SYNE1: variants seen among roughly 807,000 people sequenced by gnomAD.
SYNE1 encodes the protein nesprin-1.
A neutral mutation model predicts 1,111.0 loss-of-function variants in SYNE1; 616 were observed. The observed-to-expected ratio is 0.55, with a 90% CI of 0.52 to 0.59. The LOEUF is 0.59. SYNE1 is among the 20% of genes least tolerant of loss of function. The pLI is 0.00. For missense variants in SYNE1, 10,006 were observed against 10,417.0 expected (o/e 0.96, Z 1.72); for synonymous variants, 3,855 against 3,825.8 (o/e 1.01, Z -0.28).
chr6:152,522,167 C>T (rs1314450879), intron 5 of SYNE1, among the ~76,000 whole-genome samples: 7 of 151,884 alleles, frequency 4.6e-5, no homozygotes, highest in African/African-American at 1.7e-4. Flanking sequence ...GATTGTAGTG[C>T]ACCTGTCACT....
At position 152,534,189 on chromosome 6, in the gene SYNE1, T is replaced by A. The variant is rs536416712; in HGVS notation, c.129+5771A>T. Among the ~76,000 whole-genome samples, 50 of 148,250 alleles carry A rather than the reference T, an allele frequency of 3.4e-4. 1 individual carries two copies. Among genetic ancestry groups the A allele is most frequent in the Non-Finnish European group, 6.5e-4 (43 of 66,562 alleles). On this transcript the variant is annotated intron_variant, in intron 4 of 145. Transcript: ENST00000367255. ...ATAAATAAATGAATGAATGAATGAA[T>A]GAATGAATGAATGAATAAATAAATA...
At chr6:152,154,714 T>G (rs2061057621) in intron 133 of SYNE1, among the ~76,000 whole-genome samples, 178 bp downstream of exon 133, 2 of 151,986 alleles carry the variant, frequency 1.3e-5, no homozygotes, top group Admixed American at 6.6e-5. Flanking sequence ...AACCTCTTTT[T>G]CCCCCTTCAT....
intron 133 of SYNE1, among the ~76,000 whole-genome samples, chr6:152,153,081 T>G (rs72995319): frequency 1.6e-3 from 243 of 152,348 alleles, no homozygotes; most frequent in South Asian, 4.1e-3. Context: ...TGAACCGCAC[T>G]CATCAAATCC....
Position 152,368,965 on chromosome 6 carries a change from G to A in SYNE1, c.9807+7C>T, listed in dbSNP as rs566510530. On this transcript the variant is annotated splice_region_variant and intron_variant, in intron 61 of 145. Coordinates refer to ENST00000367255, the MANE Select transcript of SYNE1 (RefSeq NM_182961.4). ...CACACTCACACACAGCACGTGCCAG[G>A]CGTTACCTTTGTTAAATTGCTTAGC... The A allele has an allele frequency of 6.2e-6, 10 of 1,614,110 alleles. No individual in the cohort carries two copies. The highest frequency in any genetic ancestry group is 8.5e-6 in the Non-Finnish European group (10 of 1,180,030).
In SYNE1 at chr6:152,125,157, G is replaced by T; in HGVS notation, c.26154-2481C>A. 2 of 1,315,176 alleles carry T rather than the reference G, an allele frequency of 1.5e-6. 1 individual carries two copies. Among genetic ancestry groups the T allele is most frequent in the South Asian group, 3.1e-5 (2 of 64,882 alleles). 81.5% of individuals were successfully genotyped at this position (1,315,176 alleles called of 1,614,324 possible). ...CAGTTAAAGGAAGAGGCCTAGCAGGGACTCAGGCTTCCAAAATCCCTGCCC... is the reference window on the plus strand; with the variant it reads ...CAGTTAAAGGAAGAGGCCTAGCAGGTACTCAGGCTTCCAAAATCCCTGCCC... On this transcript the variant is annotated intron_variant, in intron 145 of 145. Coordinates refer to ENST00000367255, the MANE Select transcript of SYNE1 (RefSeq NM_182961.4).
chr6:152,468,771 T>G (rs766341853), intron 16 of SYNE1, among the ~76,000 whole-genome samples: 1 of 152,072 alleles, frequency 6.6e-6, no homozygotes, highest in East Asian at 2.0e-4. Flanking sequence ...ATTATAATAC[T>G]TTATTTTTAT....
At chr6:152,531,936 T>G (rs1187626958) in intron 4 of SYNE1, among the ~76,000 whole-genome samples, 1 of 152,232 alleles carries the variant, frequency 6.6e-6, no homozygotes, top group African/African-American at 2.4e-5. Flanking sequence ...TTTCTGGCTA[T>G]TGTGATTAAT....
chr6:152,321,833 T>C lies in SYNE1; in HGVS notation c.15971A>G (p.Asp5324Gly), dbSNP rs750742917. 4 of 1,613,942 alleles carry C rather than the reference T, an allele frequency of 2.5e-6. No homozygotes were observed. The highest frequency in any genetic ancestry group is 3.4e-6 in the Non-Finnish European group (4 of 1,179,988). The change falls in exon 83 of 146, where the codon GAC becomes GGC. Residue 5324 changes from aspartate to glycine, a missense_variant. By Grantham distance (94) the Asp-to-Gly change is moderately conservative. Coordinates refer to ENST00000367255, the MANE Select transcript of SYNE1 (RefSeq NM_182961.4). ...NGKLVKQELK[D>G]REMVETQINS... is the part of the protein sequence containing the mutation. ...GATCTGAGTCTCCACCATTTCTCGGTCCTTCAGCTCTTGCTTCACCAACTT... is the reference window on the plus strand; with the variant it reads ...GATCTGAGTCTCCACCATTTCTCGGCCCTTCAGCTCTTGCTTCACCAACTT...
In SYNE1 at chr6:152,358,436, G is replaced by A. The variant is rs527448479; in HGVS notation, c.10545C>T (p.Leu3515=). The A allele has an allele frequency of 9.9e-6, 16 of 1,614,124 alleles. No individual in the cohort carries two copies. The highest frequency in any genetic ancestry group is 1.6e-4 in the Middle Eastern group (1 of 6,062). ...EVWLGQEQEK[L]DQYSVLEGDA... The stretch of plus-strand genomic sequence containing the variant: ...CACCTTCAAGAACTGAATACTGGTC[G>A]AGCTTTTCTTGTTCTTGCCCCAACC... Residue 3515 remains leucine (L), a synonymous_variant, in exon 66 of 146, where the codon CTC becomes CTT. Coordinates refer to ENST00000367255, the MANE Select transcript of SYNE1 (RefSeq NM_182961.4).
Position 152,300,629 on chromosome 6 carries a change from A to G in SYNE1, c.17682+12T>C, listed in dbSNP as rs371412085. The G allele has an allele frequency of 9.3e-6, 15 of 1,614,076 alleles. No individual in the cohort carries two copies. Among genetic ancestry groups the G allele is most frequent in the Middle Eastern group, 1.7e-4 (1 of 6,048 alleles). On this transcript the variant is annotated intron_variant, in intron 93 of 145. Transcript: ENST00000367255. ...AGAGATTATTGCTAGAGGAATGCCA[A>G]CTGGGAGGTACCTGGTTAACAGAAG...
chr6:152,309,398 T>C (rs1316178578), intron 90 of SYNE1, among the ~76,000 whole-genome samples: 1 of 152,184 alleles, frequency 6.6e-6, no homozygotes, highest in Non-Finnish European at 1.5e-5. Flanking sequence ...GCAAAGAGAC[T>C]AAGAATTATA....
chr6:152,526,177 T>C lies in SYNE1; in HGVS notation c.130-2A>G. The C allele has an allele frequency of 6.2e-7, 1 of 1,613,970 alleles. No homozygotes were observed. The highest frequency in any genetic ancestry group is 8.5e-7 in the Non-Finnish European group (1 of 1,179,858). On this transcript the variant is annotated splice_acceptor_variant, in intron 4 of 145. Coordinates refer to ENST00000367255, the MANE Select transcript of SYNE1 (RefSeq NM_182961.4). LOFTEE classifies it high-confidence loss of function. ...GTCCACCACCATTGGAGGTTTCCGC[T>C]GTAAAAGCAAAGAGGAATAAGTGCA...
rs777155965 is a variant in SYNE1 at position 152,225,823 on chromosome 6, C to A, written c.21249G>T (p.Gln7083His). 3.7e-6 allele frequency: 6 copies of A among 1,613,906 alleles called. No homozygotes were observed. The African/African-American group carries it at 8.0e-5, about 22-fold the overall frequency. Reference sequence around the variant, plus strand: ...TGTTCTGAATCAAAGCAAGTCCATTCTGCTCAATTTTCTCTACTTCTTTTT... The same window carrying A: ...TGTTCTGAATCAAAGCAAGTCCATTATGCTCAATTTTCTCTACTTCTTTTT... Reference protein sequence around the residue: ...AKEKEVEKIEQNGLALIQNKK... With the variant: ...AKEKEVEKIEHNGLALIQNKK... The change falls in exon 116 of 146, where the codon CAG becomes CAT. Residue 7083 changes from glutamine (Q) to histidine (H), a missense_variant. By Grantham distance (24) the Gln-to-His change is conservative. This residue lies in a region of SYNE1 where 2,182 missense variants were observed against 2,287.8 expected (regional missense o/e 0.95). Transcript: ENST00000367255.
At chr6:152,185,646 G>A (rs959506312) in intron 128 of SYNE1, among the ~76,000 whole-genome samples, 1 of 152,226 alleles carries the variant, frequency 6.6e-6, no homozygotes, top group East Asian at 1.9e-4. Flanking sequence ...AACATGGAAA[G>A]TTTCTAAAAA....
intron 91 of SYNE1, among the ~76,000 whole-genome samples, chr6:152,305,144 CTG>C (rs1473857451): frequency 1.3e-5 from 2 of 152,158 alleles, no homozygotes; most frequent in Non-Finnish European, 2.9e-5. Flanking sequence ...TGGCCAGTCT[CTG>C]GTATTCATGA....
chr6:152,510,991 G>C lies in SYNE1; in HGVS notation c.402+20C>G. On this transcript the variant is annotated intron_variant, in intron 7 of 145. Transcript: ENST00000367255. ...CTCTGAGACATTGCATCAACTGAAA[G>C]AGGAACTGTAGCACAATACCTGGAA... 6.2e-7 allele frequency: 1 copy of C among 1,603,652 alleles called. No individual in the cohort carries two copies.
chr6:152,232,687 GC>G (rs1477405145), intron 112 of SYNE1, among the ~76,000 whole-genome samples: 2 of 152,256 alleles, frequency 1.3e-5, no homozygotes, highest in South Asian at 4.1e-4. Context: ...CACACTACAA[GC>G]TATCATTTTC....
intron 3 of SYNE1, among the ~76,000 whole-genome samples, chr6:152,596,847 GAA>G (rs2099583419): frequency 6.6e-6 from 1 of 151,994 alleles, no homozygotes; most frequent in Non-Finnish European, 1.5e-5. Context: ...ACAGACTTTC[GAA>G]CTTACCAGAG....
At chr6:152,307,795 C>A (rs897391828) in intron 91 of SYNE1, among the ~76,000 whole-genome samples, 3 of 152,132 alleles carry the variant, frequency 2.0e-5, no homozygotes, top group African/African-American at 7.2e-5. Flanking sequence ...ACTGAAATGA[C>A]TAATATGTCA....
Sources: allele counts gnomAD v4.1 joint callset (sites outside exome capture counted in the v4.1 genomes callset), GRCh38; gene constraint gnomAD v4.1.1; regional missense constraint gnomAD v4.1.1; transcripts MANE v1.5; gene names NCBI Gene and HGNC (gene_info 2026-07-23, HGNC 2026-07-21).